The following PVT1 variants were observed in gnomAD, a reference collection of about 807,000 sequenced individuals.
PVT1 encodes the protein CXCR4/PVT1 fusion.
intron 3 of PVT1, among the ~76,000 whole-genome samples, chr8:127,965,758 G>A (rs1816696768): frequency 6.6e-6 from 1 of 152,218 alleles, no homozygotes; most frequent in Non-Finnish European, 1.5e-5. Flanking sequence ...GGAACTAACA[G>A]AGTCAGGTGT....
At chr8:128,062,132 C>T (rs1396256051) in intron 4 of PVT1, among the ~76,000 whole-genome samples, 1 of 152,148 alleles carries the variant, frequency 6.6e-6, no homozygotes. Flanking sequence ...TTTCACTCTC[C>T]CAACTGGTGA....
intron 3 of PVT1, among the ~76,000 whole-genome samples, chr8:127,918,349 G>A (rs1040965692): frequency 1.3e-5 from 2 of 150,182 alleles, no homozygotes; most frequent in African/African-American, 4.9e-5. Context: ...TGGTATGGCT[G>A]GCTAGATTGG....
intron 3 of PVT1, among the ~76,000 whole-genome samples, chr8:127,925,545 G>A: frequency 6.6e-6 from 1 of 152,100 alleles, no homozygotes; most frequent in East Asian, 1.9e-4. Context: ...CACTATGGTA[G>A]GATTCATTAA....
At chr8:127,826,723 A>G (rs1177315096) in intron 2 of PVT1, among the ~76,000 whole-genome samples, 4 of 152,348 alleles carry the variant, frequency 2.6e-5, no homozygotes, top group African/African-American at 2.4e-5. Flanking sequence ...TTCTGGGGCC[A>G]GGAGAGAAAC....
At chr8:128,082,250 T>C (rs914375103) in intron 5 of PVT1, among the ~76,000 whole-genome samples, 11 of 152,240 alleles carry the variant, frequency 7.2e-5, no homozygotes, top group East Asian at 1.9e-4. Context: ...GATTGAGCTT[T>C]AGGGAGGTTA....
intron 3 of PVT1, among the ~76,000 whole-genome samples, chr8:127,908,837 G>A (rs2129840515): frequency 6.6e-6 from 1 of 152,276 alleles, no homozygotes; most frequent in African/African-American, 2.4e-5. Context: ...CCACAGGGAG[G>A]TGAGGCAGCC....
intron 2 of PVT1, among the ~76,000 whole-genome samples, chr8:127,863,723 G>C (rs1048568153): frequency 1.3e-5 from 2 of 152,208 alleles, no homozygotes; most frequent in African/African-American, 2.4e-5. Flanking sequence ...ACTTAGCACA[G>C]TGCTTAGCTT....
At chr8:127,953,136 G>A (rs1024370326) in intron 3 of PVT1, among the ~76,000 whole-genome samples, 13 of 152,230 alleles carry the variant, frequency 8.5e-5, no homozygotes, top group African/African-American at 3.1e-4. Context: ...GGGAGAACAA[G>A]GACCTGTCTG....
chr8:128,076,499 T>C (rs1814091533), intron 5 of PVT1, among the ~76,000 whole-genome samples: 1 of 152,210 alleles, frequency 6.6e-6, no homozygotes, highest in South Asian at 2.1e-4. Context: ...ATATATTTTT[T>C]TCTTTTGCTT....
intron 4 of PVT1, among the ~76,000 whole-genome samples, chr8:128,011,414 A>G (rs1195605847): frequency 2.6e-5 from 4 of 152,150 alleles, no homozygotes; most frequent in African/African-American, 4.8e-5. Context: ...TGATGAAATT[A>G]GTGCCCTCAA....
chr8:127,825,206 A>G (rs1336343359), intron 2 of PVT1, among the ~76,000 whole-genome samples: 1 of 151,418 alleles, frequency 6.6e-6, no homozygotes, highest in Non-Finnish European at 1.5e-5. Flanking sequence ...ATGTCTGTGC[A>G]TGTGTGCACA....
At chr8:127,968,000 C>G (rs1816722088) in intron 3 of PVT1, among the ~76,000 whole-genome samples, 1 of 152,174 alleles carries the variant, frequency 6.6e-6, no homozygotes. Context: ...GCACTCATTC[C>G]TATTCGGTGC....
At chr8:128,087,695 G>A (rs1247093775) in intron 5 of PVT1, among the ~76,000 whole-genome samples, 1 of 147,886 alleles carries the variant, frequency 6.8e-6, no homozygotes, top group African/African-American at 2.5e-5. Context: ...GGTTTTCTGT[G>A]TTGTTGCAAT....
rs374897307 is a variant in PVT1 at position 127,971,971 on chromosome 8, T to A, written n.783-17191T>A. Among the ~76,000 whole-genome samples, 8 of 152,208 alleles carry A rather than the reference T, an allele frequency of 5.3e-5. No homozygotes were observed. The East Asian group carries it at 1.3e-3, about 26-fold the overall frequency. On this transcript the variant is annotated intron_variant and non_coding_transcript_variant, in intron 3 of 10. Coordinates refer to ENST00000651587, the Ensembl canonical transcript of PVT1. ...TGAAGATGGCCCAGCAAGCCCCTCC[T>A]CTACTCAGATCGCCCTTGGAAAAGC...
chr8:127,964,640 C>T (rs1816684069), intron 3 of PVT1, among the ~76,000 whole-genome samples: 1 of 152,124 alleles, frequency 6.6e-6, no homozygotes, highest in South Asian at 2.1e-4. Flanking sequence ...CTAAGGGACA[C>T]CCTTTCCTTG....
At chr8:127,823,212 A>G (rs978420439) in intron 2 of PVT1, among the ~76,000 whole-genome samples, 6 of 152,126 alleles carry the variant, frequency 3.9e-5, no homozygotes, top group Admixed American at 6.5e-5. Context: ...TTTCTGCTCA[A>G]TGGGGATGTG....
chr8:127,800,124 C>T (rs1814446864), intron 2 of PVT1, among the ~76,000 whole-genome samples: 1 of 152,162 alleles, frequency 6.6e-6, no homozygotes, highest in Admixed American at 6.5e-5. Flanking sequence ...CTTAGCAGAG[C>T]ACTTAGCACA....
intron 4 of PVT1, among the ~76,000 whole-genome samples, chr8:128,020,514 CCTAG>C (rs1367593179): frequency 1.3e-5 from 2 of 152,114 alleles, no homozygotes; most frequent in Non-Finnish European, 2.9e-5. Flanking sequence ...AACGGTGGCC[CCTAG>C]CTAACAGCCA....
intron 5 of PVT1, among the ~76,000 whole-genome samples, chr8:128,079,278 GCT>G (rs1820858203): frequency 6.6e-6 from 1 of 152,068 alleles, no homozygotes; most frequent in African/African-American, 2.4e-5. Context: ...CTGTTGCTCA[GCT>G]CTCTGTGTGT....
Sources: allele counts gnomAD v4.1 joint callset (sites outside exome capture counted in the v4.1 genomes callset), GRCh38; gene constraint gnomAD v4.1.1; transcripts MANE v1.5; gene names NCBI Gene and HGNC (gene_info 2026-07-23, HGNC 2026-07-21).